Variants in OTOG observed in about 807,000 individuals in gnomAD.
OTOG encodes otogelin.
In OTOG, 296 loss-of-function variants were observed where a neutral mutation model predicts 313.8. That is an observed-to-expected ratio of 0.94 (90% confidence interval 0.86 to 1.04). OTOG has a LOEUF of 1.04. Among genes scored for constraint, OTOG ranks in the 50% least tolerant of loss-of-function variants. The probability of loss-of-function intolerance (pLI) is 0.00; values close to 1 mark genes in which losing one functional copy is unlikely to be tolerated. For missense variants in OTOG, 3,948 were observed against 3,840.1 expected, an observed-to-expected ratio of 1.03 and a Z score of -0.74; for synonymous variants, 1,533 against 1,554.9, an observed-to-expected ratio of 0.99 and a Z score of 0.33.
intron 31 of OTOG, among the ~76,000 whole-genome samples, chr11:17,601,994 GT>G (rs1853265442): frequency 6.6e-6 from 1 of 152,202 alleles, no homozygotes; most frequent in Non-Finnish European, 1.5e-5. Context: ...GCACTGTGCA[GT>G]GGGTCTGTTC....
chr11:17,632,962 A>C (rs1355643136), intron 42 of OTOG, among the ~76,000 whole-genome samples: 2 of 152,250 alleles, frequency 1.3e-5, no homozygotes, highest in Admixed American at 1.3e-4. Flanking sequence ...GCATTTTAAA[A>C]AATACAATAG....
chr11:17,629,735 G>C (rs946077902), intron 40 of OTOG, among the ~76,000 whole-genome samples: 11 of 152,130 alleles, frequency 7.2e-5, no homozygotes, highest in African/African-American at 2.7e-4. Context: ...AGAGATTAAG[G>C]GGCTTACCCA....
chr11:17,571,874 G>A (rs1413254698), intron 17 of OTOG, among the ~76,000 whole-genome samples: 1 of 152,128 alleles, frequency 6.6e-6, no homozygotes, highest in African/African-American at 2.4e-5. Flanking sequence ...ATATATTTGT[G>A]CTCTGTGTGT....
At chr11:17,549,290 G>A (rs1447073359) in intron 3 of OTOG, among the ~76,000 whole-genome samples, 1 of 152,148 alleles carries the variant, frequency 6.6e-6, no homozygotes, top group Non-Finnish European at 1.5e-5. Context: ...GTCAGCTCTG[G>A]GGAGCCCCTT....
intron 48 of OTOG, 147 bp from the exon 49 acceptor site, chr11:17,639,276 G>T (rs1436445449): frequency 1.3e-6 from 1 of 750,556 alleles, no homozygotes; most frequent in South Asian, 1.7e-5. Context: ...GCTGAGATTT[G>T]GGCCTCTTCC....
intron 39 of OTOG, among the ~76,000 whole-genome samples, chr11:17,624,784 A>G (rs769637180): frequency 6.6e-6 from 1 of 152,160 alleles, no homozygotes; most frequent in African/African-American, 2.4e-5. Flanking sequence ...CTCCCTATCA[A>G]TGAGCATGGA....
chr11:17,559,605 C>A lies in OTOG; in HGVS notation c.1285C>A (p.Arg429=), dbSNP rs199968574. 6.4e-7 allele frequency: 1 copy of A among 1,550,762 alleles called. No homozygotes were observed. The highest frequency in any genetic ancestry group is 1.2e-5 in the South Asian group (1 of 84,062). Residue 429 remains arginine (R), a synonymous_variant, in exon 12 of 56, where the codon CGG becomes AGG. Coordinates refer to ENST00000399397, the MANE Select transcript of OTOG (RefSeq NM_001292063.2). ...IACCPASCHP[R]ASCVDSEIAC... is the part of the protein sequence containing the mutation. ...CTGCTGCCCTGCCTCCTGCCATCCC[C>A]GGGCATCCTGTGTGGACAGTGAGAT...
chr11:17,621,877 T>TTTAAGGCAAGAGGGTA (rs1470130438), intron 39 of OTOG, among the ~76,000 whole-genome samples: 2 of 152,232 alleles, frequency 1.3e-5, no homozygotes, highest in Non-Finnish European at 2.9e-5. Flanking sequence ...TGTTTGATCA[T>TTTAAGGCAAGAGGGTA]TTAAGGCAAG....
chr11:17,609,014 CAT>C (rs1380654022), intron 34 of OTOG, 114 bp from the exon 35 acceptor site: 6 of 782,496 alleles, frequency 7.7e-6, no homozygotes, highest in African/African-American at 6.9e-5. Flanking sequence ...GTAATAAGCA[CAT>C]GTGTGCACGC....
rs1311870467 is a variant in OTOG, at chr11:17,578,448, G to A, written c.2681G>A (p.Arg894Lys). Reference sequence around the variant, plus strand: ...ACGGACCTGGAGCTGAGCAGGGAGAGGACGTGTGAGCAGCAACTGCTGAAC... The same window carrying A: ...ACGGACCTGGAGCTGAGCAGGGAGAAGACGTGTGAGCAGCAACTGCTGAAC... ...LHTDLELSRE[R>K]TCEQQLLNLS... Residue 894 changes from arginine to lysine, a missense_variant, in exon 23 of 56, where the codon AGG becomes AAG. Arg to Lys is a conservative substitution (Grantham distance 26). Coordinates refer to ENST00000399397, the MANE Select transcript of OTOG (RefSeq NM_001292063.2). 1 of 1,541,684 alleles carries A rather than the reference G, an allele frequency of 6.5e-7. No individual in the cohort carries two copies. Among genetic ancestry groups the A allele is most frequent in the Non-Finnish European group, 8.7e-7 (1 of 1,146,894 alleles).
At chr11:17,548,418 C>CTTTTTTTTTTTTTTTTTTTTTTTTTTT (rs56402246) in intron 3 of OTOG, among the ~76,000 whole-genome samples, 1 of 87,620 alleles carries the variant, frequency 1.1e-5, no homozygotes, top group Non-Finnish European at 2.1e-5. Context: ...ATAGTCCACT[C>CTTTTTTTTTTTTTTTTTTTTTTTTTTT]TTTTTTTTTT....
At chr11:17,624,585 A>G (rs1853939756) in intron 39 of OTOG, among the ~76,000 whole-genome samples, 1 of 152,118 alleles carries the variant, frequency 6.6e-6, no homozygotes, top group Non-Finnish European at 1.5e-5. Flanking sequence ...GTTGAGTAGC[A>G]TGATGCCTCC....
Position 17,553,161 on chromosome 11 carries a change from C to T in OTOG, c.335C>T (p.Ala112Val), listed in dbSNP as rs545257884. The T allele has an allele frequency of 6.4e-6, 10 of 1,550,568 alleles. No homozygotes were observed. In the African/African-American group the frequency reaches 1.2e-4, roughly 19 times the overall value. Residue 112 changes from alanine (A) to valine (V), a missense_variant, in exon 5 of 56, where the codon GCC (alanine) becomes GTC (valine). Coordinates refer to ENST00000399397, the MANE Select transcript of OTOG (RefSeq NM_001292063.2). ...CFNGGECVHPAFCDCRRFNAT... is the reference protein window; with the variant it reads ...CFNGGECVHPVFCDCRRFNAT... The stretch of plus-strand genomic sequence containing the variant: ...AATGGAGGCGAGTGTGTGCACCCAG[C>T]CTTCTGTGACTGCAGACGCTTCAAT...
chr11:17,633,110 C>T (rs1175149100), intron 42 of OTOG, among the ~76,000 whole-genome samples: 2 of 152,200 alleles, frequency 1.3e-5, no homozygotes, highest in Admixed American at 1.3e-4. Context: ...AATGCATGGG[C>T]CCCACAATCA....
At chr11:17,640,721 G>A (rs931845106) in intron 49 of OTOG, 24 bp from the exon 50 acceptor site, 2 of 1,548,170 alleles carry the variant, frequency 1.3e-6, no homozygotes, top group Non-Finnish European at 1.7e-6. Context: ...AACCCAGGGT[G>A]CTGACTGCCT....
chr11:17,605,537 C>G (rs181207721), intron 32 of OTOG, among the ~76,000 whole-genome samples: 1 of 152,274 alleles, frequency 6.6e-6, no homozygotes, highest in Admixed American at 6.5e-5. Flanking sequence ...ACATTGAGGG[C>G]ACTCAAACAT....
rs570758078 is a variant in OTOG at position 17,640,603 on chromosome 11, G to T, written c.7936-142G>T. Reference sequence around the variant, plus strand: ...CACACTGGGACTGAGCTTCCAGGCTGCTGAGGGGCCCCAGGCCTGCCAGCC... The same window carrying T: ...CACACTGGGACTGAGCTTCCAGGCTTCTGAGGGGCCCCAGGCCTGCCAGCC... On this transcript the variant is annotated intron_variant, in intron 49 of 55. Coordinates refer to ENST00000399397, the MANE Select transcript of OTOG (RefSeq NM_001292063.2). 251 of 749,528 alleles carry T rather than the reference G, an allele frequency of 3.3e-4. 1 individual carries two copies. In the African/African-American group the frequency reaches 3.5e-3, roughly 10 times the overall value. 46.4% of individuals were successfully genotyped at this position (749,528 alleles called of 1,614,324 possible). A position where few individuals can be genotyped will look rare whatever the true frequency, so the allele number is the denominator to read the frequency against.
Position 17,596,880 on chromosome 11 carries a change from C to T in OTOG, c.3555C>T (p.Cys1185=). 1 of 1,551,128 alleles carries T rather than the reference C, an allele frequency of 6.4e-7. No homozygotes were observed. Among genetic ancestry groups the T allele is most frequent in the African/African-American group, 1.4e-5 (1 of 73,172 alleles). The change falls in exon 30 of 56, where the codon TGC becomes TGT. Residue 1185 remains cysteine, a synonymous_variant. Transcript: ENST00000399397. The part of the protein sequence containing the change: ...VVDVTWFYSN[C]LTDTCGCSQG... ...ATGTCACTTGGTTTTACTCAAACTGCCTGACAGACACATGTGGCTGCAGCC... is the reference window on the plus strand; with the variant it reads ...ATGTCACTTGGTTTTACTCAAACTGTCTGACAGACACATGTGGCTGCAGCC...
Position 17,602,398 on chromosome 11 carries a change from A to G in OTOG, c.3877+21A>G, listed in dbSNP as rs928947560. 18 of 1,541,550 alleles carry G rather than the reference A, an allele frequency of 1.2e-5. No homozygotes were observed. In the South Asian group the frequency reaches 2.0e-4, roughly 17 times the overall value. On this transcript the variant is annotated intron_variant, in intron 32 of 55. Coordinates refer to ENST00000399397, the MANE Select transcript of OTOG (RefSeq NM_001292063.2). Reference sequence around the variant, plus strand: ...CCATGGTAAGGCCCATCCCAGTCCCACTCCAGCTCTTCTGGGAGGCAGGAG... The same window carrying G: ...CCATGGTAAGGCCCATCCCAGTCCCGCTCCAGCTCTTCTGGGAGGCAGGAG...
Sources: gnomAD v4.1 joint callset for allele counts (sites outside exome capture counted in the v4.1 genomes callset) on GRCh38, gnomAD v4.1.1 for gene constraint, MANE v1.5 for transcripts, NCBI Gene and HGNC (gene_info 2026-07-23, HGNC 2026-07-21) for gene names.